PAX9: variants seen among roughly 807,000 people sequenced by gnomAD.
PAX9 encodes paired box 9.
Under a neutral mutation model 29.1 loss-of-function variants are expected in PAX9, and 6 were observed. The ratio of observed to expected loss-of-function variants is 0.21; its 90% CI spans 0.11 to 0.41. The LOEUF is 0.41. Ranked by LOEUF, PAX9 falls within the 10% of genes least tolerant of loss-of-function variation. The pLI is 1.00. For missense variants in PAX9, 443 were observed against 479.1 expected, an observed-to-expected ratio of 0.92 and a Z score of 0.70; for synonymous variants, 217 against 211.7, an observed-to-expected ratio of 1.03 and a Z score of -0.22.
Position 36,663,305 on chromosome 14 carries a change from G to A in PAX9, c.413G>A (p.Gly138Asp). Reference sequence around the variant, plus strand: ...AAGATCGGCAACTTGGCCCAGCAGGGTCATTACGACTCATACAAGCAGCAC... The same window carrying A: ...AAGATCGGCAACTTGGCCCAGCAGGATCATTACGACTCATACAAGCAGCAC... Reference protein sequence around the residue: ...RNKIGNLAQQGHYDSYKQHQP... With the variant: ...RNKIGNLAQQDHYDSYKQHQP... The change falls in exon 2 of 4, where the codon GGT becomes GAT. Residue 138 changes from glycine (G) to aspartate (D), a missense_variant. Physicochemically the swap from Gly to Asp is moderately conservative, Grantham distance 94. Transcript: ENST00000361487. 2 of 1,614,162 alleles carry A rather than the reference G, an allele frequency of 1.2e-6. No homozygotes were observed. Among genetic ancestry groups the A allele is most frequent in the Non-Finnish European group, 1.7e-6 (2 of 1,180,042 alleles).
At chr14:36,669,313 C>A (rs989283507) in intron 3 of PAX9, among the ~76,000 whole-genome samples, 18 of 152,012 alleles carry the variant, frequency 1.2e-4, no homozygotes, top group African/African-American at 4.1e-4. Context: ...ATTCAAAGGG[C>A]AGATTTATTT....
upstream of PAX9, chr14:36,661,753 G>T: frequency 2.2e-6 from 1 of 445,480 alleles, no homozygotes; most frequent in Non-Finnish European, 4.0e-6. Context: ...CCTGGACTGC[G>T]CTGTCGCTCA....
chr14:36,676,078 G>T, intron 3 of PAX9, 120 bp from the exon 4 acceptor site: 3 of 975,912 alleles, frequency 3.1e-6, no homozygotes, highest in Admixed American at 4.9e-5. Context: ...TAAAAAGTTG[G>T]AGAGTAGAGT....
chr14:36,668,348 T>C (rs1397893942), intron 3 of PAX9, among the ~76,000 whole-genome samples: 2 of 147,298 alleles, frequency 1.4e-5, no homozygotes, highest in Non-Finnish European at 3.0e-5. Context: ...CCAGTTTATA[T>C]ATCAAGCAGT....
chr14:36,675,373 C>G (rs1186067587), intron 3 of PAX9, among the ~76,000 whole-genome samples: 1 of 152,136 alleles, frequency 6.6e-6, no homozygotes, highest in Admixed American at 6.5e-5. Flanking sequence ...GCTCGCCTGC[C>G]GGGACTGCTG....
chr14:36,662,182 G>T, intron 1 of PAX9, 89 bp downstream of exon 1: 1 of 1,308,766 alleles, frequency 7.6e-7, no homozygotes, highest in Non-Finnish European at 1.0e-6. Flanking sequence ...GAGCGCGAGG[G>T]CGCGCGCCAC....
Position 36,678,820 on chromosome 14 carries a change from A to G in PAX9, c.*2368A>G, listed in dbSNP as rs1882039679. ...GTTTCCTTTTCTCCCTCTAGGTCTT[A>G]ACAGTGAATTCACATGGAGTAATTT... On this transcript the variant is annotated 3_prime_UTR_variant, in exon 4 of 4. Coordinates refer to ENST00000361487, the MANE Select transcript of PAX9 (RefSeq NM_001372076.1). 1 of 998,020 alleles carries G rather than the reference A, an allele frequency of 1.0e-6. No individual in the cohort carries two copies. Among genetic ancestry groups the G allele is most frequent in the African/African-American group, 1.7e-5 (1 of 58,528 alleles). 61.8% of individuals were successfully genotyped at this position (998,020 alleles called of 1,614,324 possible).
chr14:36,665,965 A>T (rs1343051895), intron 2 of PAX9: 1 of 160,650 alleles, frequency 6.2e-6, no homozygotes, highest in African/African-American at 2.4e-5. Flanking sequence ...TGACATAAGT[A>T]CCAGATCCCC....
chr14:36,659,871 T>G (rs1380227747), upstream of PAX9, among the ~76,000 whole-genome samples: 8 of 152,346 alleles, frequency 5.3e-5, no homozygotes, highest in South Asian at 1.7e-3. Context: ...AGGCTGGTGC[T>G]GCAGAACTGC....
Position 36,676,603 on chromosome 14 carries a change from A to G in PAX9, c.*151A>G. On this transcript the variant is annotated 3_prime_UTR_variant, in exon 4 of 4. Coordinates refer to ENST00000361487, the MANE Select transcript of PAX9 (RefSeq NM_001372076.1). ...CGGACTCACATCCTTTGTGCTAATG[A>G]CACTTACATATTTCTTGCCATAACT... The G allele has an allele frequency of 1.2e-6, 1 of 834,934 alleles. No homozygotes were observed. The highest frequency in any genetic ancestry group is 2.1e-5 in the Admixed American group (1 of 47,110). 51.7% of individuals were successfully genotyped at this position (834,934 alleles called of 1,614,324 possible).
intron 2 of PAX9, chr14:36,666,196 C>G (rs1881480437): frequency 1.9e-6 from 1 of 515,492 alleles, no homozygotes; most frequent in African/African-American, 1.9e-5. Flanking sequence ...AAATCAAAAA[C>G]CGGTTGAAAA....
rs954729664 is a variant in PAX9, at chr14:36,679,215, C to T, written c.*2763C>T. On this transcript the variant is annotated 3_prime_UTR_variant, in exon 4 of 4. Transcript: ENST00000361487. ...CAATTTTGTTTTGTTTTTAATGACC[C>T]TTTTATTGAATATTGGACTGAAATA... is the stretch of plus-strand genomic sequence containing the variant. The T allele has an allele frequency of 7.1e-6, 7 of 984,282 alleles. No individual in the cohort carries two copies. Among genetic ancestry groups the T allele is most frequent in the Non-Finnish European group, 8.4e-6 (7 of 829,166 alleles). 61.0% of individuals were successfully genotyped at this position (984,282 alleles called of 1,614,324 possible).
intron 2 of PAX9, among the ~76,000 whole-genome samples, chr14:36,665,085 G>A (rs1312344598): frequency 2.7e-5 from 4 of 149,932 alleles, no homozygotes; most frequent in Non-Finnish European, 5.9e-5. Flanking sequence ...AGACAGACAG[G>A]CAGTTCTGGA....
At chr14:36,665,167 GAAAAAAAAAAAA>G (rs67344124) in intron 2 of PAX9, among the ~76,000 whole-genome samples, 1 of 87,820 alleles carries the variant, frequency 1.1e-5, no homozygotes, top group Non-Finnish European at 2.2e-5. Context: ...GAGACATAGT[GAAAAAAAAAAAA>G]AAAAAAAAAG....
At position 36,666,519 on chromosome 14, in the gene PAX9, G is replaced by A. The variant is rs368787836; in HGVS notation, c.689G>A (p.Arg230His). Residue 230 changes from arginine to histidine, a missense_variant, in exon 3 of 4, where the codon CGC (arginine) becomes CAC (histidine). By Grantham distance (29) the Arg-to-His change is conservative. Around this residue, in one of 2 missense-constraint regions of PAX9, gnomAD observed 336 missense variants for 317.2 expected, o/e 1.06. Transcript: ENST00000361487. ...GTGGAGGAGTGGAGCAGCCTGGGCC[G>A]CAACAACTTCCCCGCCGCCGCCCCG... ...PKVEEWSSLGRNNFPAAAPHA... is the reference protein window; with the variant it reads ...PKVEEWSSLGHNNFPAAAPHA... 50 of 1,603,272 alleles carry A rather than the reference G, an allele frequency of 3.1e-5. No individual in the cohort carries two copies. The highest frequency in any genetic ancestry group is 3.9e-5 in the Non-Finnish European group (46 of 1,175,418).
chr14:36,664,560 T>C (rs1720312620), intron 2 of PAX9, among the ~76,000 whole-genome samples: 1 of 129,318 alleles, frequency 7.7e-6, no homozygotes, highest in South Asian at 2.7e-4. Flanking sequence ...TTTGTTTTCT[T>C]TTACTGAGTT....
chr14:36,673,715 T>C (rs182388817), intron 3 of PAX9, among the ~76,000 whole-genome samples: 107 of 152,264 alleles, frequency 7.0e-4, no homozygotes, highest in African/African-American at 2.5e-3. Context: ...GAAAAAAGAA[T>C]GGGTAGGAAA....
chr14:36,658,375 G>GTGGT (rs59646911), upstream of PAX9, among the ~76,000 whole-genome samples: 1 of 133,828 alleles, frequency 7.5e-6, no homozygotes, highest in African/African-American at 3.2e-5. Context: ...GCCTCGCTTG[G>GTGGT]GGGGGGGGGG....
At chr14:36,675,548 C>G (rs1566478234) in intron 3 of PAX9, among the ~76,000 whole-genome samples, 1 of 152,206 alleles carries the variant, frequency 6.6e-6, no homozygotes, top group Non-Finnish European at 1.5e-5. Context: ...AGACAGTTTC[C>G]TTTCTGATAA....
Sources: allele counts gnomAD v4.1 joint callset (sites outside exome capture counted in the v4.1 genomes callset), GRCh38; gene constraint gnomAD v4.1.1; regional missense constraint gnomAD v4.1.1; transcripts MANE v1.5; gene names NCBI Gene and HGNC (gene_info 2026-07-23, HGNC 2026-07-21).